Variants in TMEM138 observed in about 807,000 individuals in gnomAD.
TMEM138 encodes the protein transmembrane protein 138.
In TMEM138, 9 loss-of-function variants were observed where a neutral mutation model predicts 18.1. The observed-to-expected ratio is 0.50, with a 90% CI of 0.30 to 0.87. The LOEUF is 0.87. TMEM138 is among the 40% of genes least tolerant of loss of function. The pLI is 0.06. For missense variants in TMEM138, 189 were observed against 190.6 expected, an observed-to-expected ratio of 0.99 and a Z score of 0.05; for synonymous variants, 79 against 74.8, an observed-to-expected ratio of 1.06 and a Z score of -0.29.
rs1350770139 is a variant in TMEM138 at position 61,368,403 on chromosome 11, A to C, written c.377-194A>C. 1.3e-5 allele frequency: 7 copies of C among 535,984 alleles called. No homozygotes were observed. In the East Asian group the frequency reaches 2.3e-4, roughly 18 times the overall value. The allele number at this position is 535,984 out of a possible 1,614,324, so 33.2% of individuals were successfully genotyped here. On this transcript the variant is annotated intron_variant, in intron 4 of 4. Coordinates refer to ENST00000278826, the MANE Select transcript of TMEM138 (RefSeq NM_016464.5). ...ACCACGCCCAGCTAATTTTTTGTGT[A>C]TTTTTAGTAGAGACAGGGTTTCACC...
chr11:61,371,942 C>T (rs1483862065), downstream of TMEM138, among the ~76,000 whole-genome samples: 2 of 151,776 alleles, frequency 1.3e-5, no homozygotes, highest in African/African-American at 2.4e-5. Context: ...TTTGGGAGGT[C>T]GAGGTGGGGT....
chr11:61,376,151 C>T (rs1364986914), downstream of TMEM138, among the ~76,000 whole-genome samples: 1 of 152,202 alleles, frequency 6.6e-6, no homozygotes, highest in Non-Finnish European at 1.5e-5. Flanking sequence ...GAATTCAACA[C>T]CAGCCTGGCC....
chr11:61,366,108 C>T lies in TMEM138; in HGVS notation c.192C>T (p.Phe64=), dbSNP rs199841349. Residue 64 remains phenylalanine (F), a synonymous_variant, in exon 3 of 5, where the codon TTC becomes TTT. Transcript: ENST00000278826. The part of the protein sequence containing the change: ...IIIFLMFFNT[F]VFQAGLVNLL... ...TTTTCCTCATGTTCTTCAACACCTTCGTCTTCCAGGCTGGCCTGGTCAACC... is the reference window on the plus strand; with the variant it reads ...TTTTCCTCATGTTCTTCAACACCTTTGTCTTCCAGGCTGGCCTGGTCAACC... 2.8e-5 allele frequency: 45 copies of T among 1,614,234 alleles called. No homozygotes were observed. Among genetic ancestry groups the T allele is most frequent in the Non-Finnish European group, 3.6e-5 (43 of 1,180,036 alleles).
rs543261298 is a variant in TMEM138, at chr11:61,364,575, A to C, written c.128+57A>C. 3.1e-6 allele frequency: 5 copies of C among 1,608,042 alleles called. No individual in the cohort carries two copies. The South Asian group carries it at 4.4e-5, about 14-fold the overall frequency. ...ACCCACGCAATTCAAAGGCCCTGAC[A>C]GTGGTGATTTAGTGTCTTAAAGTTA... On this transcript the variant is annotated intron_variant, in intron 2 of 4. Coordinates refer to ENST00000278826, the MANE Select transcript of TMEM138 (RefSeq NM_016464.5).
At chr11:61,370,373 G>A (rs1858307062), downstream of TMEM138, among the ~76,000 whole-genome samples, 3 of 152,298 alleles carry the variant, frequency 2.0e-5, no homozygotes, top group Admixed American at 6.5e-5. Flanking sequence ...TAAGTAAAAG[G>A]CCTGGTTAAA....
downstream of TMEM138, among the ~76,000 whole-genome samples, chr11:61,371,720 G>A (rs1196122743): frequency 1.3e-5 from 2 of 152,206 alleles, no homozygotes; most frequent in African/African-American, 4.8e-5. Flanking sequence ...TTGGGTTACA[G>A]CTTGATTTTA....
intron 1 of TMEM138, chr11:61,362,729 T>C (rs1638493937): frequency 6.6e-6 from 1 of 152,128 alleles, no homozygotes; most frequent in Non-Finnish European, 1.5e-5. Flanking sequence ...TGGTGGCCTA[T>C]GAGTAGTGGT....
chr11:61,368,045 C>T (rs370164598), intron 4 of TMEM138, 47 bp downstream of exon 4: 3 of 1,321,424 alleles, frequency 2.3e-6, no homozygotes, highest in Non-Finnish European at 2.2e-6. Context: ...CCACATGTGT[C>T]TCTTTCAGTG....
At chr11:61,374,100 C>T (rs991669197), downstream of TMEM138, among the ~76,000 whole-genome samples, 2 of 151,414 alleles carry the variant, frequency 1.3e-5, no homozygotes, top group African/African-American at 4.9e-5. Context: ...ACCTCGGCCT[C>T]CCAAAGTTCT....
downstream of TMEM138, among the ~76,000 whole-genome samples, chr11:61,376,472 A>G (rs1858437204): frequency 6.6e-6 from 1 of 152,198 alleles, no homozygotes; most frequent in African/African-American, 2.4e-5. Context: ...GTTTGGACCG[A>G]ATTCTAATTT....
At chr11:61,373,582 A>T, downstream of TMEM138, among the ~76,000 whole-genome samples, 1 of 151,326 alleles carries the variant, frequency 6.6e-6, no homozygotes, top group African/African-American at 2.4e-5. Flanking sequence ...GCCTGTGATA[A>T]CCTTTGATAT....
downstream of TMEM138, among the ~76,000 whole-genome samples, chr11:61,374,165 T>G (rs1858404000): frequency 6.8e-6 from 1 of 147,992 alleles, no homozygotes; most frequent in African/African-American, 2.5e-5. Context: ...TTTTTTTTTT[T>G]GAGACAGAGT....
At chr11:61,370,383 A>C (rs568343342), downstream of TMEM138, among the ~76,000 whole-genome samples, 10 of 152,370 alleles carry the variant, frequency 6.6e-5, 1 homozygote, top group African/African-American at 2.2e-4. Context: ...GCCTGGTTAA[A>C]CATTGTGAGA....
intron 1 of TMEM138, chr11:61,363,884 G>A (rs1858037430): frequency 6.6e-6 from 1 of 152,434 alleles, no homozygotes; most frequent in Non-Finnish European, 1.5e-5. Flanking sequence ...AATGTATTAT[G>A]TCATCTACCT....
chr11:61,368,143 C>A, intron 4 of TMEM138, 145 bp downstream of exon 4: 2 of 754,610 alleles, frequency 2.7e-6, no homozygotes, highest in Non-Finnish European at 2.4e-6. Context: ...GATTACTGCC[C>A]CTGCCCTTGC....
At position 61,364,237 on chromosome 11, in the gene TMEM138, T is replaced by A; in HGVS notation, c.-139-15T>A. On this transcript the variant is annotated splice_polypyrimidine_tract_variant and intron_variant, in intron 1 of 4. Transcript: ENST00000278826. The stretch of plus-strand genomic sequence containing the variant: ...TAATACATTTCTAACCTTGCTTATC[T>A]TTTTGCTCCAACAGGTGCTTGCCTT... 1 of 829,212 alleles carries A rather than the reference T, an allele frequency of 1.2e-6. No homozygotes were observed. 51.4% of individuals were successfully genotyped at this position (829,212 alleles called of 1,614,324 possible).
downstream of TMEM138, among the ~76,000 whole-genome samples, chr11:61,375,935 G>A (rs772452712): frequency 1.5e-4 from 23 of 152,178 alleles, no homozygotes; most frequent in Non-Finnish European, 2.4e-4. Flanking sequence ...AGAGGATCAT[G>A]CAATTCATAG....
chr11:61,370,847 CAT>C (rs1242124934), downstream of TMEM138, among the ~76,000 whole-genome samples: 9 of 152,204 alleles, frequency 5.9e-5, no homozygotes, highest in South Asian at 8.3e-4. Context: ...TGGGCTCGCT[CAT>C]GTGTCAGCTG....
chr11:61,368,211 T>TTTTGTTTG (rs113018914), intron 4 of TMEM138: 17 of 670,814 alleles, frequency 2.5e-5, no homozygotes, highest in Middle Eastern at 6.0e-4. Flanking sequence ...GTTCTGTTCT[T>TTTTGTTTG]TTTGTTTGTT....
Sources: allele counts gnomAD v4.1 joint callset (sites outside exome capture counted in the v4.1 genomes callset), GRCh38; gene constraint gnomAD v4.1.1; transcripts MANE v1.5; gene names NCBI Gene and HGNC (gene_info 2026-07-23, HGNC 2026-07-21).